RASGEF1A: variants seen among roughly 807,000 people sequenced by gnomAD.
RASGEF1A encodes RasGEF domain family member 1A.
RASGEF1A carries 18 observed loss-of-function variants against 56.4 expected under a neutral mutation model. The observed-to-expected ratio is 0.32, with a 90% CI of 0.22 to 0.47. The LOEUF (loss-of-function observed/expected upper bound fraction) is 0.47, where lower values mean the gene tolerates loss of function less well. Among genes scored for constraint, RASGEF1A ranks in the 20% least tolerant of loss-of-function variants. The probability of loss-of-function intolerance (pLI) is 1.00; values close to 1 mark genes in which losing one functional copy is unlikely to be tolerated. For missense variants in RASGEF1A, 422 were observed against 627.1 expected, an observed-to-expected ratio of 0.67 and a Z score of 3.49; for synonymous variants, 245 against 242.6, an observed-to-expected ratio of 1.01 and a Z score of -0.09.
intron 1 of RASGEF1A, among the ~76,000 whole-genome samples, chr10:43,213,676 G>A (rs1396714620): frequency 6.6e-6 from 1 of 152,184 alleles, no homozygotes; most frequent in East Asian, 1.9e-4. Flanking sequence ...GCCCAGGCTG[G>A]AGTGCAGTGG....
intron 1 of RASGEF1A, among the ~76,000 whole-genome samples, chr10:43,246,208 A>G (rs1248578595): frequency 6.6e-6 from 1 of 152,228 alleles, no homozygotes; most frequent in Non-Finnish European, 1.5e-5. Flanking sequence ...AATTTAACAA[A>G]AGTATAAGAC....
At chr10:43,198,753 A>G (rs1486062767) in intron 9 of RASGEF1A, among the ~76,000 whole-genome samples, 180 bp downstream of exon 9, 1 of 152,216 alleles carries the variant, frequency 6.6e-6, no homozygotes, top group Non-Finnish European at 1.5e-5. Flanking sequence ...GAAGTAACCG[A>G]GGACAACTTA....
chr10:43,266,234 T>A (rs921648488), intron 1 of RASGEF1A, among the ~76,000 whole-genome samples: 22 of 152,098 alleles, frequency 1.4e-4, no homozygotes, highest in African/African-American at 5.3e-4. Flanking sequence ...GCCCCGTTCC[T>A]GGGGCCGGCA....
At chr10:43,266,624 G>T (rs1485448181) in intron 1 of RASGEF1A, among the ~76,000 whole-genome samples, 1 of 149,036 alleles carries the variant, frequency 6.7e-6, no homozygotes, top group Non-Finnish European at 1.5e-5. Context: ...CCAGCCCGGG[G>T]CGGAGTTCTC....
At chr10:43,243,772 G>T (rs1170721849) in intron 1 of RASGEF1A, among the ~76,000 whole-genome samples, 1 of 150,010 alleles carries the variant, frequency 6.7e-6, no homozygotes, top group East Asian at 2.0e-4. Flanking sequence ...GGGCGTCTCT[G>T]CCTGGCCGCC....
intron 1 of RASGEF1A, among the ~76,000 whole-genome samples, chr10:43,219,690 G>A (rs1840182617): frequency 6.6e-6 from 1 of 152,232 alleles, no homozygotes; most frequent in African/African-American, 2.4e-5. Flanking sequence ...TCCAGAGGCA[G>A]GAAGGGATGG....
chr10:43,203,226 C>G, intron 3 of RASGEF1A, 72 bp downstream of exon 3: 1 of 1,475,924 alleles, frequency 6.8e-7, no homozygotes, highest in Non-Finnish European at 9.2e-7. Flanking sequence ...CGCCCCATGC[C>G]TCCAGCCCCT....
chr10:43,205,534 G>A (rs1420762838), intron 2 of RASGEF1A, among the ~76,000 whole-genome samples: 2 of 152,090 alleles, frequency 1.3e-5, no homozygotes, highest in Non-Finnish European at 2.9e-5. Flanking sequence ...CCAGGACCTC[G>A]GCTGGGCGTG....
intron 1 of RASGEF1A, among the ~76,000 whole-genome samples, chr10:43,216,183 C>T (rs1840134329): frequency 6.6e-6 from 1 of 152,178 alleles, no homozygotes; most frequent in African/African-American, 2.4e-5. Context: ...CCCCACCCTG[C>T]CAGGAGCGGG....
At chr10:43,205,411 A>T (rs180725933) in intron 2 of RASGEF1A, among the ~76,000 whole-genome samples, 2 of 152,234 alleles carry the variant, frequency 1.3e-5, no homozygotes, top group African/African-American at 4.8e-5. Context: ...ACAGTCCCCG[A>T]GTCAGCCTGA....
chr10:43,240,013 G>T (rs1157324837), intron 1 of RASGEF1A, among the ~76,000 whole-genome samples: 1 of 152,186 alleles, frequency 6.6e-6, no homozygotes, highest in Non-Finnish European at 1.5e-5. Flanking sequence ...TGCATGCTCA[G>T]GGCTGTGCAC....
At position 43,256,426 on chromosome 10, in the gene RASGEF1A, A is replaced by G. The variant is rs1836406683; in HGVS notation, c.-7+10419T>C. Among the ~76,000 whole-genome samples, 6 of 152,332 alleles carry G rather than the reference A, an allele frequency of 3.9e-5. No individual in the cohort carries two copies. The South Asian group carries it at 1.2e-3, about 32-fold the overall frequency. On this transcript the variant is annotated intron_variant, in intron 1 of 12. Transcript: ENST00000395810. ...CACAGGCAGAAAGAAGAACAGGAAC[A>G]GGAACCTCAGGGAAAGAAAGGGCTG... is the stretch of plus-strand genomic sequence containing the variant.
chr10:43,202,598 T>C, intron 3 of RASGEF1A: 3 of 460,156 alleles, frequency 6.5e-6, no homozygotes, highest in South Asian at 4.7e-5. Flanking sequence ...CAGCCAAGAC[T>C]CCGCGCCAGC....
chr10:43,199,030 T>C lies in RASGEF1A; in HGVS notation c.953-18A>G, dbSNP rs780955271. 2.9e-5 allele frequency: 46 copies of C among 1,608,668 alleles called. 1 individual carries two copies. Among genetic ancestry groups the C allele is most frequent in the Non-Finnish European group, 3.6e-5 (42 of 1,177,712 alleles). ...CATGCCAGCTGCAGAGGACAGCAGG[T>C]AGGGTCAGGGCCGGGGGGGTGGGCC... On this transcript the variant is annotated intron_variant, in intron 8 of 12. Coordinates refer to ENST00000395810, the MANE Select transcript of RASGEF1A (RefSeq NM_145313.4).
intron 1 of RASGEF1A, among the ~76,000 whole-genome samples, chr10:43,209,687 CCCA>C (rs1365447246): frequency 7.0e-6 from 1 of 142,956 alleles, no homozygotes; most frequent in African/African-American, 2.5e-5. Flanking sequence ...AGGAAGCCCC[CCCA>C]CCAGGGCTAG....
chr10:43,239,615 G>A (rs1487321890), intron 1 of RASGEF1A, among the ~76,000 whole-genome samples: 1 of 152,208 alleles, frequency 6.6e-6, no homozygotes, highest in African/African-American at 2.4e-5. Flanking sequence ...TCTATCCCAA[G>A]TGCCTTGAAA....
chr10:43,206,525 T>A (rs547294258), intron 1 of RASGEF1A, among the ~76,000 whole-genome samples: 66 of 152,270 alleles, frequency 4.3e-4, no homozygotes, highest in South Asian at 1.0e-3. Flanking sequence ...AGGAACACCC[T>A]AGGCATGAGG....
At chr10:43,235,351 A>T (rs971769401) in intron 1 of RASGEF1A, among the ~76,000 whole-genome samples, 1 of 152,208 alleles carries the variant, frequency 6.6e-6, no homozygotes, top group African/African-American at 2.4e-5. Context: ...TGGTGTATTT[A>T]GCCCTTCCAC....
chr10:43,200,075 C>T (rs191232348), intron 6 of RASGEF1A, 107 bp downstream of exon 6: 56 of 916,320 alleles, frequency 6.1e-5, no homozygotes, highest in African/African-American at 3.9e-4. Flanking sequence ...CCCAGCACTC[C>T]GGAGACGCTC....
Sources: allele counts gnomAD v4.1 joint callset (sites outside exome capture counted in the v4.1 genomes callset), GRCh38; gene constraint gnomAD v4.1.1; transcripts MANE v1.5; gene names NCBI Gene and HGNC (gene_info 2026-07-23, HGNC 2026-07-21).